ANKRD11: variants seen among roughly 807,000 people sequenced by gnomAD.
The protein encoded by ANKRD11 is ankyrin repeat domain-containing protein 11.
A neutral mutation model predicts 195.7 loss-of-function variants in ANKRD11; 17 were observed. The observed-to-expected ratio is 0.09, with a 90% confidence interval of 0.06 to 0.13. The LOEUF is 0.13. Ranked by LOEUF, ANKRD11 falls within the 10% of genes least tolerant of loss-of-function variation. The pLI is 1.00. For missense variants in ANKRD11, 3,735 were observed against 3,566.1 expected (o/e 1.05, Z -1.21); for synonymous variants, 1,953 against 1,528.1 (o/e 1.28, Z -6.49).
chr16:89,327,324 A>G (rs1267447516), intron 2 of ANKRD11, among the ~76,000 whole-genome samples: 2 of 152,224 alleles, frequency 1.3e-5, no homozygotes, highest in Non-Finnish European at 2.9e-5. Context: ...TCAACACGAT[A>G]AAGGCCAACT....
intron 3 of ANKRD11, among the ~76,000 whole-genome samples, chr16:89,310,443 A>C (rs767528813): frequency 6.6e-6 from 1 of 152,208 alleles, no homozygotes; most frequent in African/African-American, 2.4e-5. Context: ...TTTCCCTATT[A>C]ACTTTGGAAT....
At chr16:89,416,473 AT>A (rs1270844719) in intron 2 of ANKRD11, among the ~76,000 whole-genome samples, 2 of 152,056 alleles carry the variant, frequency 1.3e-5, no homozygotes, top group Non-Finnish European at 2.9e-5. Context: ...TAATATTTAC[AT>A]TTTTAATAGA....
rs929429805 is a variant in ANKRD11, at chr16:89,279,847, C to T, written c.6695G>A (p.Arg2232His). Reference protein sequence around the residue: ...EAETVPEERARGDPDSSVEPA... With the variant: ...EAETVPEERAHGDPDSSVEPA... ...CTCCACGCTGGAGTCCGGATCCCCA[C>T]GGGCCCTCTCTTCCGGCACCGTCTC... The change falls in exon 9 of 13, where the codon CGT becomes CAT. Residue 2232 changes from arginine to histidine, a missense_variant. Arg to His is a conservative substitution (Grantham distance 29). Transcript: ENST00000301030. This position sits in a 1 kb window ranked among gnomAD's most constrained non-coding sequence, Gnocchi z 5.6. 2.6e-6 allele frequency: 4 copies of T among 1,550,648 alleles called. No individual in the cohort carries two copies. In the Admixed American group the frequency reaches 5.8e-5, roughly 23 times the overall value.
chr16:89,354,175 C>T (rs1304243814), intron 2 of ANKRD11, among the ~76,000 whole-genome samples: 1 of 148,578 alleles, frequency 6.7e-6, no homozygotes, highest in Non-Finnish European at 1.5e-5. Flanking sequence ...TACCTTTACC[C>T]ATTCAAATCT....
chr16:89,342,455 C>T (rs1011220152), intron 2 of ANKRD11, among the ~76,000 whole-genome samples: 3 of 152,198 alleles, frequency 2.0e-5, no homozygotes, highest in Admixed American at 6.5e-5. Flanking sequence ...GCAAAGAACT[C>T]GCCCAACAGG....
chr16:89,414,019 A>ACCACGGGCCTGCACACCCTCCG (rs559849414), intron 2 of ANKRD11, among the ~76,000 whole-genome samples: 3 of 151,626 alleles, frequency 2.0e-5, no homozygotes, highest in Non-Finnish European at 4.4e-5. Context: ...CCCAGCCACC[A>ACCACGGGCCTGCACACCCTCCG]CCACGGGCCT....
intron 2 of ANKRD11, among the ~76,000 whole-genome samples, chr16:89,405,802 G>A (rs1331988720): frequency 1.3e-5 from 2 of 151,972 alleles, no homozygotes; most frequent in Non-Finnish European, 2.9e-5. Context: ...TTCCCCCAGC[G>A]CTCCTCACAA....
Position 89,316,020 on chromosome 16 carries a change from AC to A in ANKRD11, c.87+912del, listed in dbSNP as rs1418940840. On this transcript the variant is annotated intron_variant, in intron 3 of 12. Transcript: ENST00000301030. ...GAGGGGACCCTGCCCACCAGGGACC[AC>A]CGAGGGTCAGACAGGTCACAGATGA... Among the ~76,000 whole-genome samples the A allele has an allele frequency of 2.0e-5, 3 of 152,246 alleles. No individual in the cohort carries two copies. The East Asian group carries it at 5.8e-4, about 29-fold the overall frequency.
chr16:89,318,868 T>A (rs1597614436), intron 2 of ANKRD11, among the ~76,000 whole-genome samples: 1 of 152,328 alleles, frequency 6.6e-6, no homozygotes, highest in Middle Eastern at 3.4e-3. Context: ...GGTGTTTCCA[T>A]CCACCATCCC....
At chr16:89,454,623 AGGGTT>A (rs2056345611) in intron 1 of ANKRD11, among the ~76,000 whole-genome samples, 1 of 151,514 alleles carries the variant, frequency 6.6e-6, no homozygotes, top group Non-Finnish European at 1.5e-5. Context: ...GGGTGCTTCC[AGGGTT>A]CCTCAAGCTG....
intron 1 of ANKRD11, among the ~76,000 whole-genome samples, chr16:89,464,469 G>A (rs922931533): frequency 1.3e-5 from 2 of 149,330 alleles, no homozygotes; most frequent in African/African-American, 2.5e-5. Flanking sequence ...TTAGCTGGGC[G>A]TGGGGTCAGA....
chr16:89,424,800 G>A (rs1281390193), intron 1 of ANKRD11, among the ~76,000 whole-genome samples: 1 of 152,152 alleles, frequency 6.6e-6, no homozygotes. Flanking sequence ...TGCGATTATG[G>A]AACTATTCAG....
chr16:89,291,959 G>C lies in ANKRD11; in HGVS notation c.227-776C>G, dbSNP rs1367337488. On this transcript the variant is annotated intron_variant, in intron 4 of 12. Transcript: ENST00000301030. The surrounding 1 kb of genome is among the most constrained non-coding windows in gnomAD (Gnocchi z 5.3). Reference sequence around the variant, plus strand: ...AGAGGCAGGAGGCAGGGGCGGGGAAGAGAAGACCCCAAGCACCAAGAGTCG... The same window carrying C: ...AGAGGCAGGAGGCAGGGGCGGGGAACAGAAGACCCCAAGCACCAAGAGTCG... 6.6e-6 allele frequency among the ~76,000 whole-genome samples: 1 copy of C among 152,218 alleles called. No homozygotes were observed. The highest frequency in any genetic ancestry group is 2.4e-5 in the African/African-American group (1 of 41,450).
chr16:89,431,054 A>C (rs185265511), intron 1 of ANKRD11, among the ~76,000 whole-genome samples: 51 of 152,192 alleles, frequency 3.4e-4, no homozygotes, highest in Admixed American at 2.9e-3. Context: ...TGCTTCCAGA[A>C]GCCTAGGGTT....
At chr16:89,289,951 GC>G (rs1241468390) in intron 6 of ANKRD11, among the ~76,000 whole-genome samples, 1 of 152,244 alleles carries the variant, frequency 6.6e-6, no homozygotes, top group East Asian at 1.9e-4. Flanking sequence ...CATCGCTTGA[GC>G]CCAGGAGTTC....
intron 2 of ANKRD11, among the ~76,000 whole-genome samples, chr16:89,373,908 G>A (rs1050864591): frequency 6.6e-6 from 1 of 152,178 alleles, no homozygotes; most frequent in Non-Finnish European, 1.5e-5. Flanking sequence ...CTTGGCAGGC[G>A]GTCCACACGG....
At position 89,268,421 on chromosome 16, in the gene ANKRD11, C is replaced by G; in HGVS notation, c.*57G>C. On this transcript the variant is annotated 3_prime_UTR_variant, in exon 13 of 13. Coordinates refer to ENST00000301030, the MANE Select transcript of ANKRD11 (RefSeq NM_013275.6). ...TCCCTCCTCCGCCCCTGGGGCTCAG[C>G]AGCAGTCCTGGGCAGCCGTGCGGCC... 1.3e-6 allele frequency: 1 copy of G among 782,026 alleles called. No homozygotes were observed. The allele number at this position is 782,026 out of a possible 1,614,324, so 48.4% of individuals were successfully genotyped here. A position where few individuals can be genotyped will look rare whatever the true frequency, so the allele number is the denominator to read the frequency against.
chr16:89,489,430 C>T (rs1338755037), intron 1 of ANKRD11, among the ~76,000 whole-genome samples: 2 of 117,388 alleles, frequency 1.7e-5, no homozygotes, highest in African/African-American at 6.3e-5. Context: ...CTCCCCCTAA[C>T]ACCCCCCACA....
At chr16:89,361,330 G>A (rs937344160) in intron 2 of ANKRD11, among the ~76,000 whole-genome samples, 10 of 152,212 alleles carry the variant, frequency 6.6e-5, no homozygotes, top group Admixed American at 4.6e-4. Context: ...AGCGCCGGGG[G>A]CGGGGGGTGC....
Sources: gnomAD v4.1 joint callset for allele counts (sites outside exome capture counted in the v4.1 genomes callset) on GRCh38, gnomAD v4.1.1 for gene constraint, Gnocchi (gnomAD v3.1) non-coding constraint, MANE v1.5 for transcripts, NCBI Gene and HGNC (gene_info 2026-07-23, HGNC 2026-07-21) for gene names.